Variants in CRISP1 observed in about 807,000 individuals in gnomAD.
CRISP1 encodes the protein cysteine-rich secretory protein 1.
A neutral mutation model predicts 33.1 loss-of-function variants in CRISP1; 44 were observed. The observed-to-expected ratio is 1.33, with a 90% confidence interval of 1.05 to 1.71. The LOEUF is 1.71. Among genes scored for constraint, CRISP1 ranks in the 40% most tolerant of loss-of-function variants. CRISP1 has a pLI of 0.00. For synonymous variants in CRISP1, 103 were observed against 98.7 expected, an observed-to-expected ratio of 1.04 and a Z score of -0.26; for missense variants, 390 against 301.2, an observed-to-expected ratio of 1.29 and a Z score of -2.18.
chr6:49,849,855 G>A (rs1311377985), intron 3 of CRISP1, among the ~76,000 whole-genome samples: 1 of 151,626 alleles, frequency 6.6e-6, no homozygotes, highest in East Asian at 1.9e-4. Context: ...TAAAACCATG[G>A]TTTTGTAGGT....
intron 1 of CRISP1, among the ~76,000 whole-genome samples, chr6:49,862,848 A>AT (rs888812747): frequency 1.3e-4 from 20 of 149,972 alleles, no homozygotes; most frequent in East Asian, 1.9e-4. Flanking sequence ...CTGGAGGGTC[A>AT]TTTTTTTTTG....
At chr6:49,876,828 G>GCCC (rs1772045649) in intron 1 of CRISP1, among the ~76,000 whole-genome samples, 1 of 151,908 alleles carries the variant, frequency 6.6e-6, no homozygotes, top group Non-Finnish European at 1.5e-5. Flanking sequence ...AGTGGTTGCT[G>GCCC]AATGATGAGA....
intron 1 of CRISP1, among the ~76,000 whole-genome samples, chr6:49,862,394 A>G (rs937611103): frequency 5.4e-5 from 7 of 129,992 alleles, no homozygotes; most frequent in Non-Finnish European, 1.3e-4. Context: ...ACATAATATT[A>G]CTGATATTAG....
chr6:49,872,629 T>C (rs945318748), intron 1 of CRISP1, among the ~76,000 whole-genome samples: 2 of 152,130 alleles, frequency 1.3e-5, no homozygotes, highest in African/African-American at 4.8e-5. Context: ...GGCTAGCCAG[T>C]TTTCCCAGCA....
In CRISP1 at chr6:49,852,080, T is replaced by C. The variant is rs537304746; in HGVS notation, c.116A>G (p.Asn39Ser). The change falls in exon 3 of 8, where the codon AAT becomes AGT. Residue 39 changes from asparagine (N) to serine (S), a missense_variant. By Grantham distance (46) the Asn-to-Ser change is conservative. Coordinates refer to ENST00000335847, the MANE Select transcript of CRISP1 (RefSeq NM_001131.3). ...QFNKLVTDLP[N>S]VQEEIVNIHN... ...TATATTAACGATCTCTTCTTGTACA[T>C]TTGGCAAGTCGGTGACGAGCTTATT... The C allele has an allele frequency of 1.4e-4, 222 of 1,613,364 alleles. No homozygotes were observed. In the South Asian group the frequency reaches 2.2e-3, roughly 16 times the overall value.
chr6:49,838,742 C>T (rs1173280757), intron 6 of CRISP1, among the ~76,000 whole-genome samples: 1 of 152,088 alleles, frequency 6.6e-6, no homozygotes, highest in Non-Finnish European at 1.5e-5. Flanking sequence ...AAATATTTTT[C>T]AGTCAATGTG....
chr6:49,860,939 A>G (rs1771632646), intron 1 of CRISP1, among the ~76,000 whole-genome samples: 1 of 152,136 alleles, frequency 6.6e-6, no homozygotes, highest in South Asian at 2.1e-4. Flanking sequence ...CTAGAGAAAT[A>G]CAGAAGACCA....
chr6:49,862,494 T>C (rs950089556), intron 1 of CRISP1, among the ~76,000 whole-genome samples: 1 of 152,272 alleles, frequency 6.6e-6, no homozygotes, highest in African/African-American at 2.4e-5. Flanking sequence ...TGTTTTATGA[T>C]ATAAGATATT....
intron 6 of CRISP1, among the ~76,000 whole-genome samples, chr6:49,839,921 A>C (rs553529968): frequency 4.7e-4 from 71 of 152,336 alleles, no homozygotes; most frequent in Non-Finnish European, 9.0e-4. Flanking sequence ...GAAGTATGGC[A>C]GTGTGTTTTC....
rs765553810 is a variant in CRISP1, at chr6:49,835,390, A to T, written c.676T>A (p.Tyr226Asn). 1.9e-6 allele frequency: 3 copies of T among 1,613,574 alleles called. No individual in the cohort carries two copies. Among genetic ancestry groups the T allele is most frequent in the African/African-American group, 2.7e-5 (2 of 75,048 alleles). Reference protein sequence around the residue: ...EYFDCDIQVHYLGCNHSTTIL... With the variant: ...EYFDCDIQVHNLGCNHSTTIL... Reference sequence around the variant, plus strand: ...GTTGTTGAGTGGTTGCATCCCAGATAATGGACTTGTATGTCACAGTCGAAG... The same window carrying T: ...GTTGTTGAGTGGTTGCATCCCAGATTATGGACTTGTATGTCACAGTCGAAG... Residue 226 changes from tyrosine to asparagine, a missense_variant, in exon 8 of 8, where the codon TAT becomes AAT. Tyr to Asn is a moderately radical substitution (Grantham distance 143). Coordinates refer to ENST00000335847, the MANE Select transcript of CRISP1 (RefSeq NM_001131.3).
intron 4 of CRISP1, among the ~76,000 whole-genome samples, chr6:49,847,201 G>A (rs1295782538): frequency 1.3e-5 from 2 of 152,084 alleles, no homozygotes; most frequent in African/African-American, 2.4e-5. Flanking sequence ...AGATATAAAT[G>A]TGAATCAGCA....
At chr6:49,852,846 T>TTGTG (rs3056388) in intron 2 of CRISP1, among the ~76,000 whole-genome samples, 6,392 of 145,492 alleles carry the variant, frequency 0.044, 145 homozygotes, top group Middle Eastern at 0.13. Context: ...AAGAGAATCT[T>TTGTG]TGTGTGTGTG....
At chr6:49,865,469 T>C (rs1225105850) in intron 1 of CRISP1, among the ~76,000 whole-genome samples, 1 of 152,188 alleles carries the variant, frequency 6.6e-6, no homozygotes, top group Non-Finnish European at 1.5e-5. Context: ...ATTTGAAGTG[T>C]GCAGTCATAT....
At chr6:49,849,565 A>G (rs540208853) in intron 3 of CRISP1, among the ~76,000 whole-genome samples, 1 of 152,294 alleles carries the variant, frequency 6.6e-6, no homozygotes, top group Admixed American at 6.5e-5. Flanking sequence ...GGTGTTCAGC[A>G]GCATATACAT....
chr6:49,870,409 G>A (rs79133059), upstream of CRISP1, among the ~76,000 whole-genome samples: 380 of 151,926 alleles, frequency 2.5e-3, 3 homozygotes, highest in Middle Eastern at 0.017. Flanking sequence ...TAACCTGAAT[G>A]GGTGAGAGAA....
chr6:49,855,754 A>G (rs560746143), intron 2 of CRISP1, among the ~76,000 whole-genome samples: 34 of 152,272 alleles, frequency 2.2e-4, no homozygotes, highest in African/African-American at 7.2e-4. Context: ...TAATATCCCA[A>G]AAAACACTGC....
chr6:49,844,012 T>C (rs1771077202), intron 5 of CRISP1, among the ~76,000 whole-genome samples: 1 of 152,186 alleles, frequency 6.6e-6, no homozygotes, highest in Non-Finnish European at 1.5e-5. Context: ...AGGAGTGGTT[T>C]GGTTTCTCCT....
chr6:49,866,510 C>T lies in CRISP1; in HGVS notation c.-84G>A, dbSNP rs1771800842. ...GTAGTGTATTTGTGCTTTTAAATGA[C>T]AGTCCACAGGGGAGATTTGTTCAAT... On this transcript the variant is annotated 5_prime_UTR_variant, in exon 1 of 8. Coordinates refer to ENST00000335847, the MANE Select transcript of CRISP1 (RefSeq NM_001131.3). 6.6e-6 allele frequency: 1 copy of T among 152,104 alleles called. No homozygotes were observed. The highest frequency in any genetic ancestry group is 1.5e-5 in the Non-Finnish European group (1 of 68,018). The allele number at this position is 152,104 out of a possible 1,614,324, so 9.4% of individuals were successfully genotyped here.
chr6:49,867,617 T>C (rs1771829126), upstream of CRISP1, among the ~76,000 whole-genome samples: 6 of 152,056 alleles, frequency 3.9e-5, no homozygotes, highest in South Asian at 1.2e-3. Flanking sequence ...AACTTTCTGG[T>C]CTTGTTAAAG....
Sources: allele counts gnomAD v4.1 joint callset (sites outside exome capture counted in the v4.1 genomes callset), GRCh38; gene constraint gnomAD v4.1.1; transcripts MANE v1.5; gene names NCBI Gene and HGNC (gene_info 2026-07-23, HGNC 2026-07-21).